The following TMEM131 variants were observed in gnomAD, a reference collection of about 807,000 sequenced individuals.
The protein encoded by TMEM131 is 2610524E03Rik.
Under a neutral mutation model 211.6 loss-of-function variants are expected in TMEM131, and 66 were observed. The ratio of observed to expected loss-of-function variants is 0.31; its 90% CI spans 0.26 to 0.38. TMEM131 has a LOEUF of 0.38. TMEM131 is among the 10% of genes least tolerant of loss of function. TMEM131 has a pLI of 1.00. For synonymous variants in TMEM131, 844 were observed against 841.3 expected (o/e 1.00, Z -0.06); for missense variants, 2,036 against 2,299.3 (o/e 0.89, Z 2.34).
chr2:97,800,626 C>T (rs2871183), intron 25 of TMEM131, among the ~76,000 whole-genome samples: 49,386 of 147,472 alleles, frequency 0.33, 9,011 homozygotes, highest in Non-Finnish European at 0.39. Context: ...GGTGTGGTGG[C>T]ACGTGCCTGT....
chr2:97,818,747 A>G (rs2104996258), intron 11 of TMEM131, 26 bp from the exon 12 acceptor site: 1 of 1,442,086 alleles, frequency 6.9e-7, no homozygotes, highest in Non-Finnish European at 9.6e-7. Flanking sequence ...AAATACATAC[A>G]TGGCATTATT....
intron 11 of TMEM131, chr2:97,827,301 G>A: frequency 1.3e-6 from 1 of 785,624 alleles, no homozygotes; most frequent in Non-Finnish European, 2.4e-6. Flanking sequence ...AAGAGCCCAA[G>A]AGGAGATCGG....
chr2:97,859,552 A>G, intron 4 of TMEM131, 125 bp from the exon 5 acceptor site: 2 of 857,720 alleles, frequency 2.3e-6, no homozygotes, highest in East Asian at 3.2e-5. Context: ...TGCTTTCTGA[A>G]TTTATATTTA....
In TMEM131 at chr2:97,995,760, C is replaced by T; in HGVS notation, c.-98G>A. 1 of 945,946 alleles carries T rather than the reference C, an allele frequency of 1.1e-6. No homozygotes were observed. The highest frequency in any genetic ancestry group is 1.3e-6 in the Non-Finnish European group (1 of 758,932). The allele number at this position is 945,946 out of a possible 1,614,324, so 58.6% of individuals were successfully genotyped here. A position where few individuals can be genotyped will look rare whatever the true frequency, so the allele number is the denominator to read the frequency against. On this transcript the variant is annotated 5_prime_UTR_variant, in exon 1 of 41. Coordinates refer to ENST00000186436, the MANE Select transcript of TMEM131 (RefSeq NM_015348.2). ...GCCGTGGTCCGGGCTCTGGCCGCGG[C>T]GCCGGGAGCGACAACGGTTGCGAGC...
intron 4 of TMEM131, among the ~76,000 whole-genome samples, chr2:97,863,109 C>CAA (rs200143392): frequency 6.6e-6 from 1 of 151,556 alleles, no homozygotes; most frequent in African/African-American, 2.4e-5. Context: ...GCAACAACAA[C>CAA]AAAAAAAACC....
At position 97,811,197 on chromosome 2, in the gene TMEM131, T is replaced by C; in HGVS notation, c.1899A>G (p.Arg633=). ...TLASGYFAVF[R]VKLTAKKLEG... ...CTAATTTTTTTGCAGTAAGTTTGAC[T>C]CTGAAGACTGCAAAATAGCCTGAAG... The change falls in exon 18 of 41, where the codon AGA becomes AGG. Residue 633 remains arginine, a synonymous_variant. Coordinates refer to ENST00000186436, the MANE Select transcript of TMEM131 (RefSeq NM_015348.2). 1 of 1,613,748 alleles carries C rather than the reference T, an allele frequency of 6.2e-7. No homozygotes were observed. The highest frequency in any genetic ancestry group is 8.5e-7 in the Non-Finnish European group (1 of 1,179,702).
At chr2:97,819,798 C>T (rs1682022645) in intron 11 of TMEM131, among the ~76,000 whole-genome samples, 1 of 152,202 alleles carries the variant, frequency 6.6e-6, no homozygotes, top group South Asian at 2.1e-4. Context: ...AGCCCCTTAA[C>T]AGGAGCACAG....
At chr2:97,908,438 C>T (rs1365770311) in intron 3 of TMEM131, among the ~76,000 whole-genome samples, 3 of 152,130 alleles carry the variant, frequency 2.0e-5, no homozygotes, top group African/African-American at 4.8e-5. Context: ...AACAGCCCTT[C>T]GTACACGACA....
intron 5 of TMEM131, among the ~76,000 whole-genome samples, chr2:97,858,085 A>C (rs953104176): frequency 2.0e-5 from 3 of 152,224 alleles, no homozygotes; most frequent in Non-Finnish European, 4.4e-5. Flanking sequence ...TTTTACTCTA[A>C]AGTAAACAAC....
At chr2:97,843,387 G>A (rs962984004) in intron 6 of TMEM131, among the ~76,000 whole-genome samples, 5 of 152,242 alleles carry the variant, frequency 3.3e-5, no homozygotes, top group African/African-American at 1.2e-4. Flanking sequence ...CCAAGGTGGA[G>A]TACAGTGGTG....
chr2:97,882,651 G>T (rs932918834), intron 4 of TMEM131, among the ~76,000 whole-genome samples: 2 of 152,108 alleles, frequency 1.3e-5, no homozygotes, highest in African/African-American at 4.8e-5. Flanking sequence ...TGGCCCTGTG[G>T]GCTTTGAGCT....
chr2:97,841,828 C>T lies in TMEM131; in HGVS notation c.710G>A (p.Ser237Asn). The part of the protein sequence containing the change: ...SPIINIHNPH[S>N]EPLQVVEMYS... ...TCATAAACTCACCTGTAAAGGCTCACTGTGAGGATTGTGGATGTTTATTAT... is the reference window on the plus strand; with the variant it reads ...TCATAAACTCACCTGTAAAGGCTCATTGTGAGGATTGTGGATGTTTATTAT... Residue 237 changes from serine (S) to asparagine (N), a missense_variant, in exon 7 of 41, where the codon AGT (serine) becomes AAT (asparagine). Transcript: ENST00000186436. The T allele has an allele frequency of 6.3e-7, 1 of 1,596,588 alleles. No homozygotes were observed. Among genetic ancestry groups the T allele is most frequent in the South Asian group, 1.1e-5 (1 of 87,418 alleles).
chr2:97,764,407 C>T lies in TMEM131; in HGVS notation c.4723+1707G>A, dbSNP rs371941549. 1.0e-4 allele frequency: 16 copies of T among 152,586 alleles called. 1 individual carries two copies. Among genetic ancestry groups the T allele is most frequent in the African/African-American group, 3.8e-4 (16 of 41,592 alleles). The allele number at this position is 152,586 out of a possible 1,614,324, so 9.5% of individuals were successfully genotyped here. On this transcript the variant is annotated intron_variant, in intron 35 of 40. Coordinates refer to ENST00000186436, the MANE Select transcript of TMEM131 (RefSeq NM_015348.2). The stretch of plus-strand genomic sequence containing the variant: ...TCTGGGTTTCCTCCACCCATATTCT[C>T]TATCGAGTGGAGCTCTGCTGGAACA...
chr2:97,936,804 G>A (rs1236007625), intron 1 of TMEM131, among the ~76,000 whole-genome samples: 3 of 152,058 alleles, frequency 2.0e-5, no homozygotes, highest in African/African-American at 4.8e-5. Flanking sequence ...GGGACAAAAA[G>A]TATTTAATAG....
intron 2 of TMEM131, among the ~76,000 whole-genome samples, chr2:97,923,007 T>G (rs1186124030): frequency 6.6e-6 from 1 of 152,228 alleles, no homozygotes; most frequent in African/African-American, 2.4e-5. Context: ...ACATGGCTTT[T>G]GCCAGGCACA....
chr2:97,954,469 C>A (rs1573610707), intron 1 of TMEM131, among the ~76,000 whole-genome samples: 1 of 152,104 alleles, frequency 6.6e-6, no homozygotes, highest in East Asian at 1.9e-4. Flanking sequence ...AAGGAAATGG[C>A]CTGCATATAC....
In TMEM131 at chr2:97,796,947, T is replaced by TC; in HGVS notation, c.2909dup (p.Gln971ThrfsTer5). ...CCCTCAAGTTCTCAGTTGTTCCTTG[T>TC]CCTTGGACCATCACAGCATCCATCA... is the stretch of plus-strand genomic sequence containing the variant. On this transcript the variant is annotated frameshift_variant, in exon 27 of 41. Transcript: ENST00000186436. LOFTEE classifies it high-confidence loss of function. The TC allele has an allele frequency of 6.2e-7, 1 of 1,614,010 alleles. No individual in the cohort carries two copies. Among genetic ancestry groups the TC allele is most frequent in the Non-Finnish European group, 8.5e-7 (1 of 1,179,874 alleles).
At chr2:97,977,250 C>T (rs1007082326) in intron 1 of TMEM131, among the ~76,000 whole-genome samples, 7 of 152,144 alleles carry the variant, frequency 4.6e-5, no homozygotes, top group Non-Finnish European at 1.0e-4. Flanking sequence ...TGGAAGGAAT[C>T]CTTGTAAATA....
At chr2:97,968,382 T>A (rs1444235716) in intron 1 of TMEM131, among the ~76,000 whole-genome samples, 1 of 152,132 alleles carries the variant, frequency 6.6e-6, no homozygotes. Flanking sequence ...GACACCAACA[T>A]GAACTTCGGA....
Sources: gnomAD v4.1 joint callset for allele counts (sites outside exome capture counted in the v4.1 genomes callset) on GRCh38, gnomAD v4.1.1 for gene constraint, MANE v1.5 for transcripts, NCBI Gene and HGNC (gene_info 2026-07-23, HGNC 2026-07-21) for gene names.